MAP3K4: variants seen among roughly 807,000 people sequenced by gnomAD.
MAP3K4 encodes the protein MAP three kinase 1.
In MAP3K4, 67 loss-of-function variants were observed where a neutral mutation model predicts 185.6. That is an observed-to-expected ratio of 0.36 (90% CI 0.30 to 0.44). The LOEUF (loss-of-function observed/expected upper bound fraction) is 0.44. Among genes scored for constraint, MAP3K4 ranks in the 20% least tolerant of loss-of-function variants. The pLI is 1.00. For synonymous variants in MAP3K4, 702 were observed against 710.4 expected, an observed-to-expected ratio of 0.99 and a Z score of 0.19; for missense variants, 1,551 against 1,995.1, an observed-to-expected ratio of 0.78 and a Z score of 4.24.
At position 161,102,799 on chromosome 6, in the gene MAP3K4, A is replaced by G. The variant is rs1777891810; in HGVS notation, c.3856+20A>G. On this transcript the variant is annotated intron_variant, in intron 19 of 26. Transcript: ENST00000392142. ...GTAAAGGTGAGAGAAAGAGTGTTGA[A>G]GTTAAAAAAAAAAAAAAAAAAAAAA... The G allele has an allele frequency of 1.1e-6, 1 of 924,242 alleles. No homozygotes were observed. Among genetic ancestry groups the G allele is most frequent in the Non-Finnish European group, 1.6e-6 (1 of 637,902 alleles). 57.3% of individuals were successfully genotyped at this position (924,242 alleles called of 1,614,324 possible). A position where few individuals can be genotyped will look rare whatever the true frequency, so the allele number is the denominator to read the frequency against.
At chr6:161,083,705 A>G (rs755788257) in intron 6 of MAP3K4, among the ~76,000 whole-genome samples, 4 of 151,674 alleles carry the variant, frequency 2.6e-5, no homozygotes, top group Non-Finnish European at 4.4e-5. Flanking sequence ...CGCCTTTTCC[A>G]TTTTCTTCCT....
At chr6:161,042,908 G>GCACACA (rs58595402) in intron 2 of MAP3K4, among the ~76,000 whole-genome samples, 10 of 149,386 alleles carry the variant, frequency 6.7e-5, no homozygotes, top group African/African-American at 2.0e-4. Context: ...ATGAGAATTT[G>GCACACA]CACACACACA....
In MAP3K4 at chr6:160,996,588, C is replaced by G. The variant is rs1781005803; in HGVS notation, c.152+4505C>G. On this transcript the variant is annotated intron_variant, in intron 1 of 26. Coordinates refer to ENST00000392142, the MANE Select transcript of MAP3K4 (RefSeq NM_005922.4). The surrounding 1 kb of genome is among the most constrained non-coding windows in gnomAD (Gnocchi z 4.5). ...GTAGTATGTATGCTGTTTGAAGACTCTTTAACGTTGCCTATCAGTAGGCTA... is the reference window on the plus strand; with the variant it reads ...GTAGTATGTATGCTGTTTGAAGACTGTTTAACGTTGCCTATCAGTAGGCTA... 6.6e-6 allele frequency among the ~76,000 whole-genome samples: 1 copy of G among 152,164 alleles called. No individual in the cohort carries two copies. Among genetic ancestry groups the G allele is most frequent in the South Asian group, 2.1e-4 (1 of 4,830 alleles).
At position 161,070,659 on chromosome 6, in the gene MAP3K4, A is replaced by G. The variant is rs1355777109; in HGVS notation, c.1759A>G (p.Arg587Gly). Residue 587 changes from arginine to glycine, a missense_variant, in exon 4 of 27, where the codon AGG becomes GGG. Transcript: ENST00000392142. The surrounding 1 kb of genome is among the most constrained non-coding windows in gnomAD (Gnocchi z 4.5). ...MWGSDYVQLS[R>G]TPPSSEEKCS... ...GGGTTCAGATTATGTGCAGTTGTCAAGGACACCACCTTCATCTGAGGAGAA... is the reference window on the plus strand; with the variant it reads ...GGGTTCAGATTATGTGCAGTTGTCAGGGACACCACCTTCATCTGAGGAGAA... 6.2e-7 allele frequency: 1 copy of G among 1,614,026 alleles called. No homozygotes were observed. The highest frequency in any genetic ancestry group is 1.7e-5 in the Admixed American group (1 of 60,022).
chr6:161,086,849 C>T lies in MAP3K4; in HGVS notation c.2556+182C>T, dbSNP rs1361100310. Among the ~76,000 whole-genome samples the T allele has an allele frequency of 2.0e-5, 3 of 152,220 alleles. No individual in the cohort carries two copies. In the East Asian group the frequency reaches 5.8e-4, roughly 29 times the overall value. On this transcript the variant is annotated intron_variant, in intron 9 of 26. Coordinates refer to ENST00000392142, the MANE Select transcript of MAP3K4 (RefSeq NM_005922.4). The surrounding 1 kb of genome is among the most constrained non-coding windows in gnomAD (Gnocchi z 4.8). ...GAATAATGAAACAGTCTTTTTCATA[C>T]TTGACTTACTAACTTGTCTTCAGAG...
intron 19 of MAP3K4, among the ~76,000 whole-genome samples, chr6:161,105,832 T>C (rs1399426761): frequency 1.4e-5 from 1 of 72,414 alleles, no homozygotes; most frequent in Non-Finnish European, 2.8e-5. Context: ...AGTTTTTTGG[T>C]TTTTTGTTTT....
chr6:161,101,937 T>C lies in MAP3K4; in HGVS notation c.3720T>C (p.Ala1240=). 6.2e-7 allele frequency: 1 copy of C among 1,614,196 alleles called. No individual in the cohort carries two copies. ...ATGATCGATTGGCTTCCATAGCTGC[T>C]GAATTGCAGTTTAGGTCCCTGAGTC... ...PENDRLASIA[A]ELQFRSLSRH... Residue 1240 remains alanine (A), a synonymous_variant, in exon 18 of 27, where the codon GCT becomes GCC. Coordinates refer to ENST00000392142, the MANE Select transcript of MAP3K4 (RefSeq NM_005922.4). The surrounding 1 kb of genome is among the most constrained non-coding windows in gnomAD (Gnocchi z 5.1).
chr6:161,105,343 T>C (rs1438879601), intron 19 of MAP3K4, among the ~76,000 whole-genome samples: 2 of 152,200 alleles, frequency 1.3e-5, no homozygotes, highest in African/African-American at 4.8e-5. Flanking sequence ...GCTAAATGCT[T>C]TACAGGTATT....
Position 161,034,361 on chromosome 6 carries a change from C to T in MAP3K4, c.255C>T (p.Pro85=), listed in dbSNP as rs991502244. Residue 85 remains proline (P), a synonymous_variant, in exon 2 of 27, where the codon CCC becomes CCT. Transcript: ENST00000392142. The surrounding 1 kb of genome is among the most constrained non-coding windows in gnomAD (Gnocchi z 4.4). ...CAGAGAATCTTTATGGTACCTCTCC[C>T]CCCAGCACACCTCGACAGATGAAAC... ...TNTENLYGTS[P]PSTPRQMKRM... 6.2e-7 allele frequency: 1 copy of T among 1,613,838 alleles called. No homozygotes were observed.
chr6:161,069,581 C>G (rs570966756), intron 3 of MAP3K4, among the ~76,000 whole-genome samples: 5 of 152,116 alleles, frequency 3.3e-5, no homozygotes, highest in Admixed American at 3.3e-4. Context: ...ATGAGCAGGT[C>G]GGGGGCAGCA....
chr6:161,049,362 A>G lies in MAP3K4; in HGVS notation c.1090A>G (p.Ile364Val). ...VKRIMELLEY[I>V]EALYPSLQAL... ...ACGGATAATGGAGCTGCTAGAGTAC[A>G]TAGAAGCACTTTATCCATCATTGCA... The change falls in exon 3 of 27, where the codon ATA (isoleucine) becomes GTA (valine). Residue 364 changes from isoleucine (I) to valine (V), a missense_variant. Ile to Val is a conservative substitution (Grantham distance 29). Coordinates refer to ENST00000392142, the MANE Select transcript of MAP3K4 (RefSeq NM_005922.4). The surrounding 1 kb of genome is among the most constrained non-coding windows in gnomAD (Gnocchi z 8.4). 5.0e-6 allele frequency: 8 copies of G among 1,614,192 alleles called. No individual in the cohort carries two copies. Among genetic ancestry groups the G allele is most frequent in the Non-Finnish European group, 6.8e-6 (8 of 1,180,028 alleles).
chr6:160,993,749 A>C (rs1343651311), intron 1 of MAP3K4, among the ~76,000 whole-genome samples: 1 of 152,074 alleles, frequency 6.6e-6, no homozygotes, highest in Non-Finnish European at 1.5e-5. Context: ...AAAAAAAAAA[A>C]ACTTGACTTT....
In MAP3K4 at chr6:161,003,234, G is replaced by A. The variant is rs1381972892; in HGVS notation, c.152+11151G>A. On this transcript the variant is annotated intron_variant, in intron 1 of 26. Transcript: ENST00000392142. ...GGTATTAAGTTATTCATACCAGTGTGAAAGACAAAATGCACTGGATAATTT... is the reference window on the plus strand; with the variant it reads ...GGTATTAAGTTATTCATACCAGTGTAAAAGACAAAATGCACTGGATAATTT... 2.7e-5 allele frequency among the ~76,000 whole-genome samples: 4 copies of A among 150,682 alleles called. No homozygotes were observed. In the East Asian group the frequency reaches 7.8e-4, roughly 29 times the overall value.
intron 1 of MAP3K4, among the ~76,000 whole-genome samples, chr6:161,028,239 G>C (rs1413158415): frequency 6.6e-6 from 1 of 152,104 alleles, no homozygotes; most frequent in Non-Finnish European, 1.5e-5. Flanking sequence ...GTTTTTGTAT[G>C]TATGTTTAAT....
rs531254055 is a variant in MAP3K4, at chr6:160,992,434, C to T, written c.152+351C>T. The T allele has an allele frequency of 3.7e-5, 13 of 349,654 alleles. No homozygotes were observed. In the East Asian group the frequency reaches 6.4e-4, roughly 17 times the overall value. The allele number at this position is 349,654 out of a possible 1,614,324, so 21.7% of individuals were successfully genotyped here. Reference sequence around the variant, plus strand: ...TCGGAAGAGTGGCCTCACTGAAGTGCCTCTCATCATTACTGAACGAAAGTG... The same window carrying T: ...TCGGAAGAGTGGCCTCACTGAAGTGTCTCTCATCATTACTGAACGAAAGTG... On this transcript the variant is annotated intron_variant, in intron 1 of 26. Coordinates refer to ENST00000392142, the MANE Select transcript of MAP3K4 (RefSeq NM_005922.4).
Position 161,049,730 on chromosome 6 carries a change from G to A in MAP3K4, c.1458G>A (p.Ser486=), listed in dbSNP as rs566150221. Residue 486 remains serine (S), a synonymous_variant, in exon 3 of 27, where the codon TCG becomes TCA. Coordinates refer to ENST00000392142, the MANE Select transcript of MAP3K4 (RefSeq NM_005922.4). This position sits in a 1 kb window ranked among gnomAD's most constrained non-coding sequence, Gnocchi z 8.4. ...TAGATAACAGCTTCGACATCCAGTC[G>A]CGGGACTGCATATCCAAGAAGCTTG... ...QPIDNSFDIQ[S]RDCISKKLER... 1.9e-5 allele frequency: 30 copies of A among 1,614,134 alleles called. No individual in the cohort carries two copies. The South Asian group carries it at 2.2e-4, about 12-fold the overall frequency.
At position 161,056,140 on chromosome 6, in the gene MAP3K4, T is replaced by C. The variant is rs1384099496; in HGVS notation, c.1707+6161T>C. ...TTGCCTTCTGTGTCGTTTGATATGC[T>C]CCCCTCTTTTGTTGTATTATTTTCC... On this transcript the variant is annotated intron_variant, in intron 3 of 26. Transcript: ENST00000392142. The surrounding 1 kb of genome is among the most constrained non-coding windows in gnomAD (Gnocchi z 5.4). 2.0e-5 allele frequency among the ~76,000 whole-genome samples: 3 copies of C among 152,342 alleles called. No homozygotes were observed. Among genetic ancestry groups the C allele is most frequent in the African/African-American group, 7.2e-5 (3 of 41,592 alleles).
At position 161,080,027 on chromosome 6, in the gene MAP3K4, G is replaced by A. The variant is rs1175535720; in HGVS notation, c.2098-854G>A. On this transcript the variant is annotated intron_variant, in intron 5 of 26. Transcript: ENST00000392142. This position sits in a 1 kb window ranked among gnomAD's most constrained non-coding sequence, Gnocchi z 4.8. ...GACACCCGAGTGTAGTCACCTTCAGGATGTGGGAGAGCAGTGGTGGGTGGG... is the reference window on the plus strand; with the variant it reads ...GACACCCGAGTGTAGTCACCTTCAGAATGTGGGAGAGCAGTGGTGGGTGGG... Among the ~76,000 whole-genome samples the A allele has an allele frequency of 6.6e-6, 1 of 152,238 alleles. No homozygotes were observed. Among genetic ancestry groups the A allele is most frequent in the Non-Finnish European group, 1.5e-5 (1 of 68,038 alleles).
intron 1 of MAP3K4, among the ~76,000 whole-genome samples, chr6:160,994,145 TTTTTA>T (rs143815880): frequency 0.012 from 1,849 of 151,360 alleles, 45 homozygotes; most frequent in African/African-American, 0.044. Context: ...ACAATTTTCT[TTTTTA>T]TTTTATTTTC....
Sources: allele counts gnomAD v4.1 joint callset (sites outside exome capture counted in the v4.1 genomes callset), GRCh38; gene constraint gnomAD v4.1.1; non-coding constraint Gnocchi (gnomAD v3.1); transcripts MANE v1.5; gene names NCBI Gene and HGNC (gene_info 2026-07-23, HGNC 2026-07-21).